RAC1: variants seen among roughly 807,000 people sequenced by gnomAD.
RAC1 encodes Rac family small GTPase 1, also known as ras-related C3 botulinum toxin substrate 1.
A neutral mutation model predicts 25.2 loss-of-function variants in RAC1; 2 were observed. The ratio of observed to expected loss-of-function variants is 0.08; its 90% confidence interval spans 0.03 to 0.25. The LOEUF (loss-of-function observed/expected upper bound fraction) is 0.25, where lower values mean the gene tolerates loss of function less well. Among genes scored for constraint, RAC1 ranks in the 10% least tolerant of loss-of-function variants. The pLI is 1.00. For synonymous variants in RAC1, 88 were observed against 94.0 expected, an observed-to-expected ratio of 0.94 and a Z score of 0.37; for missense variants, 50 against 235.7, an observed-to-expected ratio of 0.21 and a Z score of 5.16.
chr7:6,396,429 A>T (rs2115208240), intron 3 of RAC1, among the ~76,000 whole-genome samples: 1 of 152,312 alleles, frequency 6.6e-6, no homozygotes, highest in Non-Finnish European at 1.5e-5. Flanking sequence ...CTGGGGACGA[A>T]GAAGGAACAA....
chr7:6,394,714 C>G (rs1183965661), intron 3 of RAC1, among the ~76,000 whole-genome samples: 1 of 152,190 alleles, frequency 6.6e-6, no homozygotes, highest in East Asian at 1.9e-4. Context: ...GAGTTTCGCT[C>G]TTGTTGCCCA....
At position 6,388,601 on chromosome 7, in the gene RAC1, C is replaced by T. The variant is rs201247894; in HGVS notation, c.107+1318C>T. On this transcript the variant is annotated intron_variant, in intron 2 of 5. Transcript: ENST00000348035. ...TCAGGTGATCTGCCCACTTCAGCCT[C>T]CCAAAGTGCTGGGATTACAGGCGTG... Among the ~76,000 whole-genome samples the T allele has an allele frequency of 1.7e-4, 26 of 152,086 alleles. No individual in the cohort carries two copies. In the East Asian group the frequency reaches 4.7e-3, roughly 27 times the overall value.
At chr7:6,394,726 G>T (rs953569886) in intron 3 of RAC1, among the ~76,000 whole-genome samples, 2 of 152,118 alleles carry the variant, frequency 1.3e-5, no homozygotes, top group African/African-American at 4.8e-5. Flanking sequence ...TGTTGCCCAG[G>T]CTGGAGTGCA....
rs1562463067 is a variant in RAC1 at position 6,383,863 on chromosome 7, C to CTT, written c.36-3349_36-3348insTT. 4.1e-5 allele frequency among the ~76,000 whole-genome samples: 5 copies of CTT among 122,146 alleles called. No individual in the cohort carries two copies. The Admixed American group carries it at 4.4e-4, about 11-fold the overall frequency. The allele number at this position is 122,146 out of a possible 152,430, so 80.1% of individuals were successfully genotyped here. On this transcript the variant is annotated intron_variant, in intron 1 of 5. Coordinates refer to ENST00000348035, the MANE Select transcript of RAC1 (RefSeq NM_006908.5). ...TGTTGCCCAGGCTGGAGTGCAATGG[C>CTT]GCAATCTCGGCTCACTGCAACTTCC...
chr7:6,387,898 A>T (rs1008809300), intron 2 of RAC1, among the ~76,000 whole-genome samples: 1 of 152,156 alleles, frequency 6.6e-6, no homozygotes, highest in Non-Finnish European at 1.5e-5. Flanking sequence ...CTGATCAGAA[A>T]CAGTCCTTGT....
At chr7:6,395,796 G>A (rs1401281204) in intron 3 of RAC1, among the ~76,000 whole-genome samples, 2 of 152,230 alleles carry the variant, frequency 1.3e-5, no homozygotes, top group Non-Finnish European at 2.9e-5. Flanking sequence ...ACTGCGCCTG[G>A]CCAGAATGTC....
chr7:6,377,061 A>T (rs982907162), intron 1 of RAC1, among the ~76,000 whole-genome samples: 2 of 151,946 alleles, frequency 1.3e-5, no homozygotes, highest in Non-Finnish European at 2.9e-5. Context: ...ACTAAACAAG[A>T]TGTTGGTTAT....
Position 6,374,688 on chromosome 7 carries a change from C to G in RAC1, c.-48C>G. ...CGCCGCGCCCCGAGCCCGCCGCTTCCTATCTCAGCGCCCTGCCGCCGCCGC... is the reference window on the plus strand; with the variant it reads ...CGCCGCGCCCCGAGCCCGCCGCTTCGTATCTCAGCGCCCTGCCGCCGCCGC... On this transcript the variant is annotated 5_prime_UTR_variant, in exon 1 of 6. Transcript: ENST00000348035. 1.9e-6 allele frequency: 2 copies of G among 1,074,868 alleles called. No individual in the cohort carries two copies. Among genetic ancestry groups the G allele is most frequent in the South Asian group, 4.1e-5 (1 of 24,190 alleles). The allele number at this position is 1,074,868 out of a possible 1,614,324, so 66.6% of individuals were successfully genotyped here.
chr7:6,375,690 G>A (rs80062460), intron 1 of RAC1, among the ~76,000 whole-genome samples: 1 of 150,620 alleles, frequency 6.6e-6, no homozygotes, highest in African/African-American at 2.4e-5. Context: ...TTTAAACAAC[G>A]TGGTGTGGTC....
chr7:6,381,066 CCATCTTGGCCAGG>C (rs1782749684), intron 1 of RAC1, among the ~76,000 whole-genome samples: 1 of 152,056 alleles, frequency 6.6e-6, no homozygotes, highest in Non-Finnish European at 1.5e-5. Flanking sequence ...ACAGGTTTCA[CCATCTTGGCCAGG>C]CTGGTCTGGA....
chr7:6,400,254 AAT>A, intron 4 of RAC1, 66 bp downstream of exon 4: 1 of 1,418,038 alleles, frequency 7.1e-7, no homozygotes, highest in Non-Finnish European at 9.9e-7. Flanking sequence ...AATACTTTAA[AAT>A]ATCACTTAGC....
intron 2 of RAC1, among the ~76,000 whole-genome samples, chr7:6,390,605 AAATAAT>A (rs1254826489): frequency 3.3e-5 from 5 of 151,742 alleles, no homozygotes; most frequent in Admixed American, 2.6e-4. Flanking sequence ...CTCAAAAAAA[AAATAAT>A]AATAATAATG....
At chr7:6,382,425 T>C (rs1782793394) in intron 1 of RAC1, among the ~76,000 whole-genome samples, 2 of 152,236 alleles carry the variant, frequency 1.3e-5, no homozygotes, top group African/African-American at 4.8e-5. Context: ...AAGTTGTTAT[T>C]TTTTGAGCTT....
At position 6,403,665 on chromosome 7, in the gene RAC1, G is replaced by A. The variant is rs566872985; in HGVS notation, c.*1219G>A. 1.7e-4 allele frequency: 35 copies of A among 207,284 alleles called. No individual in the cohort carries two copies. The Admixed American group carries it at 1.8e-3, about 11-fold the overall frequency. The allele number at this position is 207,284 out of a possible 1,614,324, so 12.8% of individuals were successfully genotyped here. The stretch of plus-strand genomic sequence containing the variant: ...AACATCACTGTCTTGCCAGATTACC[G>A]ACACTGTCACTTGACCAATACTGAC... On this transcript the variant is annotated 3_prime_UTR_variant, in exon 6 of 6. Transcript: ENST00000348035.
intron 3 of RAC1, among the ~76,000 whole-genome samples, chr7:6,392,763 A>G (rs1783124836): frequency 6.6e-6 from 1 of 152,186 alleles, no homozygotes; most frequent in South Asian, 2.1e-4. Flanking sequence ...TTCATTTTTA[A>G]AAGTATCTTT....
At chr7:6,387,779 T>A (rs893853702) in intron 2 of RAC1, among the ~76,000 whole-genome samples, 1 of 151,596 alleles carries the variant, frequency 6.6e-6, no homozygotes, top group Non-Finnish European at 1.5e-5. Context: ...ACAACTTTGC[T>A]AGTTGATTTT....
At chr7:6,376,091 TAGAC>T (rs572871658) in intron 1 of RAC1, among the ~76,000 whole-genome samples, 120 of 151,582 alleles carry the variant, frequency 7.9e-4, no homozygotes, top group South Asian at 7.1e-3. Context: ...GAAGGATAAT[TAGAC>T]AGCTGATTTT....
chr7:6,393,352 C>T (rs1186921664), intron 3 of RAC1, among the ~76,000 whole-genome samples: 2 of 152,142 alleles, frequency 1.3e-5, no homozygotes, highest in Non-Finnish European at 2.9e-5. Context: ...TAAAAACATA[C>T]TGGCTGGTAG....
At chr7:6,395,075 T>A (rs35723915) in intron 3 of RAC1, among the ~76,000 whole-genome samples, 4 of 152,096 alleles carry the variant, frequency 2.6e-5, no homozygotes, top group Non-Finnish European at 5.9e-5. Context: ...AGGATGGTCT[T>A]GATCTCCTGA....
Sources: gnomAD v4.1 joint callset for allele counts (sites outside exome capture counted in the v4.1 genomes callset) on GRCh38, gnomAD v4.1.1 for gene constraint, MANE v1.5 for transcripts, NCBI Gene and HGNC (gene_info 2026-07-23, HGNC 2026-07-21) for gene names.